KANK1: variants seen among roughly 807,000 people sequenced by gnomAD.
KANK1 encodes KN motif and ankyrin repeat domain-containing protein 1.
In KANK1, 109 loss-of-function variants were observed where a neutral mutation model predicts 106.2. That is an observed-to-expected ratio of 1.03 (90% confidence interval 0.88 to 1.20). The LOEUF (loss-of-function observed/expected upper bound fraction) is 1.20, where lower values mean the gene tolerates loss of function less well. Among genes scored for constraint, KANK1 ranks in the 50% most tolerant of loss-of-function variants. The pLI, the probability that KANK1 is intolerant of heterozygous loss-of-function variation, is 0.00. For missense variants in KANK1, 2,399 were observed against 1,710.7 expected, an observed-to-expected ratio of 1.40 and a Z score of -7.10; for synonymous variants, 873 against 652.2, an observed-to-expected ratio of 1.34 and a Z score of -5.16.
rs1432055215 is a variant in KANK1, at chr9:732,368, TGCCAC to T, written c.3006-9_3006-5del. The T allele has an allele frequency of 6.2e-6, 10 of 1,602,450 alleles. No homozygotes were observed. Among genetic ancestry groups the T allele is most frequent in the Non-Finnish European group, 8.5e-6 (10 of 1,170,370 alleles). On this transcript the variant is annotated splice_polypyrimidine_tract_variant and splice_region_variant and intron_variant, in intron 5 of 11. Coordinates refer to ENST00000382297, the MANE Select transcript of KANK1 (RefSeq NM_015158.5). The stretch of plus-strand genomic sequence containing the variant: ...ACCTTGCATCTCCTGAAATCCCAAT[TGCCAC>T]CTAGGTATGAAACAACTTCAAGTGA...
intron 1 of KANK1, among the ~76,000 whole-genome samples, chr9:563,862 A>G (rs1817124075): frequency 6.6e-6 from 1 of 152,210 alleles, no homozygotes; most frequent in Middle Eastern, 3.4e-3. Flanking sequence ...TACCTAGACT[A>G]GCACAGGGCA....
chr9:724,226 A>G (rs1830100782), intron 3 of KANK1, among the ~76,000 whole-genome samples: 1 of 152,182 alleles, frequency 6.6e-6, no homozygotes, highest in African/African-American at 2.4e-5. Context: ...TTTTAGGGAC[A>G]TATACTGAAA....
intron 11 of KANK1, chr9:744,952 T>TGAGTGG: frequency 6.9e-7 from 1 of 1,452,796 alleles, no homozygotes; most frequent in Non-Finnish European, 9.0e-7. Context: ...CAGTTCACTC[T>TGAGTGG]GAGTGGGAAG....
chr9:540,680 T>A (rs2060547161), intron 1 of KANK1: 1 of 152,236 alleles, frequency 6.6e-6, no homozygotes, highest in African/African-American at 2.4e-5. Context: ...TTGTGATTTC[T>A]GATTCAATCT....
At chr9:741,018 T>TAGATGC in intron 9 of KANK1, 84 bp downstream of exon 9, 1 of 1,471,884 alleles carries the variant, frequency 6.8e-7, no homozygotes, top group Non-Finnish European at 9.2e-7. Flanking sequence ...AGAGCAGGCA[T>TAGATGC]AGATGCCACG....
chr9:634,746 A>G (rs1836663194), intron 1 of KANK1, among the ~76,000 whole-genome samples: 1 of 152,242 alleles, frequency 6.6e-6, no homozygotes, highest in African/African-American at 2.4e-5. Flanking sequence ...CCAGCCTGTG[A>G]GGCCAGAAGC....
intron 1 of KANK1, among the ~76,000 whole-genome samples, chr9:641,138 T>C (rs939878001): frequency 6.6e-6 from 1 of 152,160 alleles, no homozygotes; most frequent in Non-Finnish European, 1.5e-5. Context: ...ACTTCAAGCC[T>C]GAAAAATGTA....
At chr9:517,936 C>G (rs1255749209) in intron 1 of KANK1, among the ~76,000 whole-genome samples, 1 of 151,284 alleles carries the variant, frequency 6.6e-6, no homozygotes, top group East Asian at 1.9e-4. Flanking sequence ...TGGAGTTTCA[C>G]ATTATTGGCC....
chr9:636,096 T>A (rs1837071052), intron 1 of KANK1, among the ~76,000 whole-genome samples: 1 of 152,200 alleles, frequency 6.6e-6, no homozygotes, highest in South Asian at 2.1e-4. Context: ...ATCAGAATTA[T>A]TGGAGGAGCT....
chr9:640,331 G>A (rs1339015756), intron 1 of KANK1, among the ~76,000 whole-genome samples: 2 of 151,874 alleles, frequency 1.3e-5, no homozygotes, highest in Admixed American at 1.3e-4. Context: ...CACCTCCTGG[G>A]TTCAGGCGAT....
chr9:631,691 T>C (rs183310562), intron 1 of KANK1, among the ~76,000 whole-genome samples: 219 of 152,308 alleles, frequency 1.4e-3, no homozygotes, highest in Admixed American at 2.8e-3. Flanking sequence ...AGTCCAACTG[T>C]TTAGCTTGGC....
Position 742,457 on chromosome 9 carries a change from G to C in KANK1, c.3897+52G>C, listed in dbSNP as rs148917197. The C allele has an allele frequency of 1.6e-5, 22 of 1,412,868 alleles. No individual in the cohort carries two copies. In the African/African-American group the frequency reaches 3.1e-4, roughly 20 times the overall value. The allele number at this position is 1,412,868 out of a possible 1,614,324, so 87.5% of individuals were successfully genotyped here. Reference sequence around the variant, plus strand: ...GCCAGGGGTCTGGGGGACTCTGGACGGGAGCTCTGGGAGTGCCTTTTGGCC... The same window carrying C: ...GCCAGGGGTCTGGGGGACTCTGGACCGGAGCTCTGGGAGTGCCTTTTGGCC... On this transcript the variant is annotated intron_variant, in intron 10 of 11. Transcript: ENST00000382297.
At chr9:569,376 A>C (rs555500853) in intron 1 of KANK1, among the ~76,000 whole-genome samples, 4 of 152,070 alleles carry the variant, frequency 2.6e-5, no homozygotes, top group Admixed American at 2.6e-4. Flanking sequence ...TGAATGGATT[A>C]ATCCATTCAT....
At chr9:596,894 C>G (rs895617916) in intron 1 of KANK1, among the ~76,000 whole-genome samples, 11 of 151,796 alleles carry the variant, frequency 7.2e-5, no homozygotes, top group Non-Finnish European at 1.6e-4. Flanking sequence ...TAATCAGTAA[C>G]ACACTATTCT....
chr9:662,722 C>T (rs574587957), intron 1 of KANK1, among the ~76,000 whole-genome samples: 4 of 145,988 alleles, frequency 2.7e-5, no homozygotes, highest in African/African-American at 7.7e-5. Flanking sequence ...AGTGCAGTGG[C>T]GCGATCTCAG....
intron 1 of KANK1, among the ~76,000 whole-genome samples, chr9:595,457 C>G (rs1003010313): frequency 6.6e-6 from 1 of 151,922 alleles, no homozygotes; most frequent in Non-Finnish European, 1.5e-5. Context: ...GAGGAAAAGC[C>G]TGCAAAATGA....
At chr9:660,597 C>G (rs1398958434) in intron 1 of KANK1, among the ~76,000 whole-genome samples, 4 of 152,160 alleles carry the variant, frequency 2.6e-5, no homozygotes, top group African/African-American at 7.2e-5. Context: ...CATGTTTCAG[C>G]CACACCTAGA....
chr9:513,494 A>G (rs2059123886), intron 1 of KANK1, among the ~76,000 whole-genome samples: 1 of 152,256 alleles, frequency 6.6e-6, no homozygotes, highest in African/African-American at 2.4e-5. Context: ...CTCAGAACAC[A>G]TAACTAATCC....
intron 1 of KANK1, 132 bp from the exon 2 acceptor site, chr9:676,758 A>T (rs1468809169): frequency 1.0e-5 from 5 of 492,030 alleles, no homozygotes; most frequent in African/African-American, 5.9e-5. Flanking sequence ...CACCTCCTGG[A>T]TCTATAGTCT....
Sources: gnomAD v4.1 joint callset for allele counts (sites outside exome capture counted in the v4.1 genomes callset) on GRCh38, gnomAD v4.1.1 for gene constraint, MANE v1.5 for transcripts, NCBI Gene and HGNC (gene_info 2026-07-23, HGNC 2026-07-21) for gene names.